The following PLCD4 variants were observed in gnomAD, a reference collection of about 807,000 sequenced individuals.
PLCD4 encodes 1-phosphatidylinositol 4,5-bisphosphate phosphodiesterase delta-4.
A neutral mutation model predicts 90.2 loss-of-function variants in PLCD4; 63 were observed. The observed-to-expected ratio is 0.70, with a 90% confidence interval of 0.57 to 0.86. PLCD4 has a LOEUF of 0.86. Ranked by LOEUF, PLCD4 falls within the 40% of genes least tolerant of loss-of-function variation. The probability of loss-of-function intolerance (pLI) is 0.00; values close to 1 mark genes in which losing one functional copy is unlikely to be tolerated. For synonymous variants in PLCD4, 294 were observed against 356.5 expected (o/e 0.82, Z 1.97); for missense variants, 830 against 956.3 (o/e 0.87, Z 1.74).
rs1022147111 is a variant in PLCD4, at chr2:218,634,941, G to A, written c.1896+311G>A. ...TCTTACAATTCCTGGCACACAGGAA[G>A]TGCTATAAAAGAGGCTGGCTGGGAG... On this transcript the variant is annotated intron_variant, in intron 13 of 15. Coordinates refer to ENST00000450993, the MANE Select transcript of PLCD4 (RefSeq NM_032726.4). This position sits in a 1 kb window ranked among gnomAD's most constrained non-coding sequence, Gnocchi z 4.0. Among the ~76,000 whole-genome samples, 5 of 152,166 alleles carry A rather than the reference G, an allele frequency of 3.3e-5. No individual in the cohort carries two copies. The highest frequency in any genetic ancestry group is 6.5e-5 in the Admixed American group (1 of 15,276).
At chr2:218,621,643 T>C (rs1695885277) in intron 5 of PLCD4, 44 bp downstream of exon 5, 3 of 1,611,096 alleles carry the variant, frequency 1.9e-6, no homozygotes, top group Non-Finnish European at 1.7e-6. Context: ...CCAGGCCACA[T>C]TTTCATTTGG....
At chr2:218,626,907 C>T (rs115001095) in intron 6 of PLCD4, among the ~76,000 whole-genome samples, 4,824 of 152,174 alleles carry the variant, frequency 0.032, 134 homozygotes, top group Non-Finnish European at 0.045. Flanking sequence ...TAAAATTAGC[C>T]CTTTGGATGT....
intron 1 of PLCD4, among the ~76,000 whole-genome samples, chr2:218,610,102 A>T (rs1361143906): frequency 6.6e-6 from 1 of 151,650 alleles, no homozygotes; most frequent in Non-Finnish European, 1.5e-5. Flanking sequence ...ACACAGGGAG[A>T]CCCCATCTCC....
At chr2:218,627,898 C>G (rs1417926982) in intron 6 of PLCD4, 131 bp from the exon 7 acceptor site, 6 of 757,404 alleles carry the variant, frequency 7.9e-6, no homozygotes, top group Non-Finnish European at 1.3e-5. Context: ...AGTTTGGGAT[C>G]TAAAGGCTGG....
At chr2:218,621,064 G>A (rs554528632) in intron 4 of PLCD4, among the ~76,000 whole-genome samples, 11 of 152,076 alleles carry the variant, frequency 7.2e-5, no homozygotes, top group Non-Finnish European at 1.5e-4. Context: ...CTAGTAGCTG[G>A]AACGACAGGT....
Position 218,634,134 on chromosome 2 carries a change from C to T in PLCD4, c.1636C>T (p.Gln546Ter), listed in dbSNP as rs762243867. 2.5e-5 allele frequency: 41 copies of T among 1,612,198 alleles called. No individual in the cohort carries two copies. Among genetic ancestry groups the T allele is most frequent in the Admixed American group, 2.3e-4 (14 of 59,710 alleles). The change falls in exon 12 of 16, where the codon CAG (glutamine) becomes TAG (stop). Residue 546 changes from glutamine to a stop codon, truncating the protein, a stop_gained. Coordinates refer to ENST00000450993, the MANE Select transcript of PLCD4 (RefSeq NM_032726.4). LOFTEE classifies it high-confidence loss of function. This position sits in a 1 kb window ranked among gnomAD's most constrained non-coding sequence, Gnocchi z 4.0. ...GNEFVQHNTWQLSRVYPSGLR... is the reference protein window; with the variant it reads ...GNEFVQHNTW ...TGAGTTTGTGCAGCACAATACTTGG[C>T]AGTTAAGCCGTGTGTATCCCAGCGG... is the stretch of plus-strand genomic sequence containing the variant.
chr2:218,635,287 G>A (rs1369113503), intron 13 of PLCD4, among the ~76,000 whole-genome samples: 1 of 151,824 alleles, frequency 6.6e-6, no homozygotes, highest in African/African-American at 2.4e-5. Flanking sequence ...AAAAGTGGCT[G>A]CTGTCATTAG....
At chr2:218,612,547 G>A (rs1177253940) in intron 1 of PLCD4, among the ~76,000 whole-genome samples, 3 of 152,160 alleles carry the variant, frequency 2.0e-5, no homozygotes, top group African/African-American at 4.8e-5. Flanking sequence ...CAAGGTGGGC[G>A]GATCACCTGA....
At position 218,634,735 on chromosome 2, in the gene PLCD4, A is replaced by G; in HGVS notation, c.1896+105A>G. 2 of 1,321,686 alleles carry G rather than the reference A, an allele frequency of 1.5e-6. No homozygotes were observed. The highest frequency in any genetic ancestry group is 2.1e-6 in the Non-Finnish European group (2 of 958,446). 81.9% of individuals were successfully genotyped at this position (1,321,686 alleles called of 1,614,324 possible). A position where few individuals can be genotyped will look rare whatever the true frequency, so the allele number is the denominator to read the frequency against. On this transcript the variant is annotated intron_variant, in intron 13 of 15. Coordinates refer to ENST00000450993, the MANE Select transcript of PLCD4 (RefSeq NM_032726.4). The surrounding 1 kb of genome is among the most constrained non-coding windows in gnomAD (Gnocchi z 4.0). ...GAATGTAGAGGCCGGATAGCCTATTAACAGTGTCTAGTTTTAGCTTTTGGA... is the reference window on the plus strand; with the variant it reads ...GAATGTAGAGGCCGGATAGCCTATTGACAGTGTCTAGTTTTAGCTTTTGGA...
Position 218,634,022 on chromosome 2 carries a change from G to A in PLCD4, c.1607-83G>A, listed in dbSNP as rs1696552744. 6.6e-7 allele frequency: 1 copy of A among 1,512,516 alleles called. No homozygotes were observed. The highest frequency in any genetic ancestry group is 8.9e-7 in the Non-Finnish European group (1 of 1,119,182). 93.7% of individuals were successfully genotyped at this position (1,512,516 alleles called of 1,614,324 possible). ...CCAGCTTCAGATGCTGGAGAGAAGG[G>A]TGAAGAGTAGGCATGGTCCTTGGGA... On this transcript the variant is annotated intron_variant, in intron 11 of 15. Transcript: ENST00000450993. This position sits in a 1 kb window ranked among gnomAD's most constrained non-coding sequence, Gnocchi z 4.0.
chr2:218,629,259 A>C (rs2106152129), intron 7 of PLCD4: 1 of 421,720 alleles, frequency 2.4e-6, no homozygotes, highest in East Asian at 3.4e-5. Flanking sequence ...AAACCAGAAC[A>C]CCAGATGCAT....
intron 3 of PLCD4, among the ~76,000 whole-genome samples, chr2:218,616,923 TATATA>T (rs1695619703): frequency 8.3e-5 from 2 of 24,152 alleles, no homozygotes; most frequent in Admixed American, 1.1e-3. Flanking sequence ...TATATATATA[TATATA>T]GAGAGAGAGA....
intron 4 of PLCD4, 90 bp from the exon 5 acceptor site, chr2:218,621,380 G>A: frequency 6.8e-7 from 1 of 1,462,394 alleles, no homozygotes; most frequent in Middle Eastern, 1.8e-4. Context: ...TGGCAGGAAA[G>A]AGAGGGGAGA....
At chr2:218,608,626 C>T (rs567989252) in intron 1 of PLCD4, among the ~76,000 whole-genome samples, 2 of 152,126 alleles carry the variant, frequency 1.3e-5, no homozygotes, top group African/African-American at 2.4e-5. Flanking sequence ...TAACTAGCTA[C>T]GGGACCTGGA....
chr2:218,634,572 G>T lies in PLCD4; in HGVS notation c.1838G>T (p.Ser613Ile). 6.2e-7 allele frequency: 1 copy of T among 1,614,052 alleles called. No individual in the cohort carries two copies. The highest frequency in any genetic ancestry group is 1.1e-5 in the South Asian group (1 of 91,084). Residue 613 changes from serine to isoleucine, a missense_variant, in exon 13 of 16, where the codon AGT becomes ATT. Coordinates refer to ENST00000450993, the MANE Select transcript of PLCD4 (RefSeq NM_032726.4). The surrounding 1 kb of genome is among the most constrained non-coding windows in gnomAD (Gnocchi z 4.0). ...LKPDFLRDIQ[S>I]SFHPEKPISP... ...CCAGACTTCCTGCGTGATATCCAGA[G>T]TTCTTTCCACCCTGAGAAGCCCATC...
rs1696543781 is a variant in PLCD4, at chr2:218,633,892, G to A, written c.1606+131G>A. 4 of 1,267,694 alleles carry A rather than the reference G, an allele frequency of 3.2e-6. No homozygotes were observed. The Admixed American group carries it at 8.1e-5, about 26-fold the overall frequency. 78.5% of individuals were successfully genotyped at this position (1,267,694 alleles called of 1,614,324 possible). On this transcript the variant is annotated intron_variant, in intron 11 of 15. Transcript: ENST00000450993. ...GATGAAGGAGTTCAGAAACTCCTTA[G>A]AGCAGACAAGGGCAGAGGAGTTATG... is the stretch of plus-strand genomic sequence containing the variant.
intron 1 of PLCD4, among the ~76,000 whole-genome samples, chr2:218,611,096 A>C (rs1420386736): frequency 1.3e-5 from 2 of 151,878 alleles, no homozygotes; most frequent in Non-Finnish European, 2.9e-5. Context: ...TTTTTACTTC[A>C]CCTAACCTTT....
rs904039904 is a variant in PLCD4, at chr2:218,621,573, C to T, written c.514C>T (p.Gln172Ter). 4 of 1,613,880 alleles carry T rather than the reference C, an allele frequency of 2.5e-6. No homozygotes were observed. The highest frequency in any genetic ancestry group is 3.4e-6 in the Non-Finnish European group (4 of 1,179,850). Residue 172 changes from glutamine (Q) to a stop codon, truncating the protein, a stop_gained, in exon 5 of 16, where the codon CAA (glutamine) becomes TAA (stop). Coordinates refer to ENST00000450993, the MANE Select transcript of PLCD4 (RefSeq NM_032726.4). LOFTEE classifies it high-confidence loss of function. The part of the protein sequence containing the change: ...LLHLMNVEMD[Q>*]EYAFSLFQAA... ...GCACCTAATGAATGTGGAAATGGAC[C>T]AAGAATATGCCTTCAGTCTTTTTCA...
rs557140410 is a variant in PLCD4 at position 218,629,852 on chromosome 2, G to T, written c.1119+189G>T. ...TTGGACATGTTACTAATAATTAGTA[G>T]TTATGGAGGTAATTACTTATGGTTA... On this transcript the variant is annotated intron_variant, in intron 8 of 15. Transcript: ENST00000450993. Among the ~76,000 whole-genome samples the T allele has an allele frequency of 2.4e-4, 36 of 152,314 alleles. No individual in the cohort carries two copies. In the Middle Eastern group the frequency reaches 0.01, roughly 43 times the overall value.
Sources: allele counts gnomAD v4.1 joint callset (sites outside exome capture counted in the v4.1 genomes callset), GRCh38; gene constraint gnomAD v4.1.1; non-coding constraint Gnocchi (gnomAD v3.1); transcripts MANE v1.5; gene names NCBI Gene and HGNC (gene_info 2026-07-23, HGNC 2026-07-21).